Variants in TSPAN33 observed in about 807,000 individuals in gnomAD.
The protein encoded by TSPAN33 is tetraspanin-33.
A neutral mutation model predicts 34.8 loss-of-function variants in TSPAN33; 27 were observed. That is an observed-to-expected ratio of 0.78 (90% CI 0.57 to 1.07). The LOEUF is 1.07. Among genes scored for constraint, TSPAN33 ranks in the 50% least tolerant of loss-of-function variants. The pLI, the probability that TSPAN33 is intolerant of heterozygous loss-of-function variation, is 0.00. For synonymous variants in TSPAN33, 119 were observed against 124.2 expected (o/e 0.96, Z 0.28); for missense variants, 272 against 324.9 (o/e 0.84, Z 1.25).
intron 1 of TSPAN33, among the ~76,000 whole-genome samples, chr7:129,153,785 T>A: frequency 6.6e-6 from 1 of 151,178 alleles, no homozygotes; most frequent in East Asian, 2.0e-4. Flanking sequence ...TACAAAAAAA[T>A]TTAAAAATTA....
intron 4 of TSPAN33, among the ~76,000 whole-genome samples, chr7:129,163,420 C>T (rs1793085112): frequency 1.4e-5 from 2 of 147,140 alleles, no homozygotes; most frequent in South Asian, 4.3e-4. Flanking sequence ...AACTCCTGGG[C>T]TCAAGTGATC....
At chr7:129,161,309 A>C (rs915673593) in intron 1 of TSPAN33, among the ~76,000 whole-genome samples, 1 of 152,298 alleles carries the variant, frequency 6.6e-6, no homozygotes, top group South Asian at 2.1e-4. Context: ...CAAACTCCTG[A>C]CCTCAAGTTG....
Position 129,164,491 on chromosome 7 carries a change from T to C in TSPAN33, c.381T>C (p.Ser127=), listed in dbSNP as rs201663184. The change falls in exon 5 of 8, where the codon AGT becomes AGC. Residue 127 remains serine, a synonymous_variant. Transcript: ENST00000486685. ...TCCGGCAGGCTCGAGGGAAAGTGAG[T>C]GAGATCATCAACAATGCCATTGTGC... ...VFSDKARGKV[S]EIINNAIVHY... is the part of the protein sequence containing the mutation. The C allele has an allele frequency of 6.2e-7, 1 of 1,612,716 alleles. No homozygotes were observed. The highest frequency in any genetic ancestry group is 2.2e-5 in the East Asian group (1 of 44,870).
chr7:129,165,752 A>C lies in TSPAN33; in HGVS notation c.460-1026A>C, dbSNP rs766862222. On this transcript the variant is annotated intron_variant, in intron 5 of 7. Coordinates refer to ENST00000486685, the MANE Select transcript of TSPAN33 (RefSeq NM_178562.5). The surrounding 1 kb of genome is among the most constrained non-coding windows in gnomAD (Gnocchi z 4.5). ...TGATGAAACCCTGTTTCCACCAAAA[A>C]TACAAAAATTAGCCGGGTTTGGTGG... Among the ~76,000 whole-genome samples the C allele has an allele frequency of 6.6e-6, 1 of 152,040 alleles. No homozygotes were observed.
intron 1 of TSPAN33, among the ~76,000 whole-genome samples, chr7:129,150,350 C>T (rs34534607): frequency 0.25 from 38,178 of 152,106 alleles, 5,254 homozygotes; most frequent in East Asian, 0.51. Context: ...CTGTCCCCGC[C>T]GCCAGCTGCA....
At position 129,161,734 on chromosome 7, in the gene TSPAN33, C is replaced by T; in HGVS notation, c.158C>T (p.Ala53Val). 2 of 1,614,132 alleles carry T rather than the reference C, an allele frequency of 1.2e-6. No individual in the cohort carries two copies. The highest frequency in any genetic ancestry group is 1.7e-6 in the Non-Finnish European group (2 of 1,180,000). ...VGVYARLMKHAEAALACLAVD... is the reference protein window; with the variant it reads ...VGVYARLMKHVEAALACLAVD... ...GTCTACGCTCGGCTAATGAAGCATG[C>T]AGGTGAGCTGTAGCTCTCCCTCCCT... is the stretch of plus-strand genomic sequence containing the variant. The change falls in exon 2 of 8, where the codon GCA (alanine) becomes GTA (valine). Residue 53 changes from alanine (A) to valine (V), a missense_variant and splice_region_variant. Transcript: ENST00000486685.
Position 129,168,210 on chromosome 7 carries a change from A to C in TSPAN33, c.*336A>C, listed in dbSNP as rs1220513040. On this transcript the variant is annotated 3_prime_UTR_variant, in exon 8 of 8. Coordinates refer to ENST00000486685, the MANE Select transcript of TSPAN33 (RefSeq NM_178562.5). ...GCCTTTTCACCGAGGCACTGCCACCACCAGCTCTAGCAGGGATGCTCCTGA... is the reference window on the plus strand; with the variant it reads ...GCCTTTTCACCGAGGCACTGCCACCCCCAGCTCTAGCAGGGATGCTCCTGA... The C allele has an allele frequency of 3.7e-6, 1 of 270,986 alleles. No individual in the cohort carries two copies. The highest frequency in any genetic ancestry group is 7.2e-6 in the Non-Finnish European group (1 of 138,804). The allele number at this position is 270,986 out of a possible 1,614,324, so 16.8% of individuals were successfully genotyped here.
At chr7:129,155,982 C>T (rs996044158) in intron 1 of TSPAN33, among the ~76,000 whole-genome samples, 16 of 152,134 alleles carry the variant, frequency 1.1e-4, no homozygotes, top group Non-Finnish European at 1.6e-4. Context: ...CCTCCCCGCT[C>T]GACCTCCCAA....
At chr7:129,163,343 T>TC (rs913497075) in intron 4 of TSPAN33, among the ~76,000 whole-genome samples, 16 of 150,796 alleles carry the variant, frequency 1.1e-4, no homozygotes, top group Non-Finnish European at 1.3e-4. Flanking sequence ...CTTTTTTTTT[T>TC]TTTTTTTGGT....
In TSPAN33 at chr7:129,167,813, T is replaced by G; in HGVS notation, c.791T>G (p.Ile264Ser). 6.2e-7 allele frequency: 1 copy of G among 1,614,098 alleles called. No homozygotes were observed. The highest frequency in any genetic ancestry group is 8.5e-7 in the Non-Finnish European group (1 of 1,180,022). Residue 264 changes from isoleucine (I) to serine (S), a missense_variant, in exon 8 of 8, where the codon ATC (isoleucine) becomes AGC (serine). By Grantham distance (142) the Ile-to-Ser change is moderately radical. Transcript: ENST00000486685. The surrounding 1 kb of genome is among the most constrained non-coding windows in gnomAD (Gnocchi z 4.6). ...ILLSQILVNQ[I>S]KDQIKLQLYN... The stretch of plus-strand genomic sequence containing the variant: ...CTGTCCCAGATCCTAGTGAATCAGA[T>G]CAAAGATCAGATCAAGCTACAGCTC...
At position 129,162,888 on chromosome 7, in the gene TSPAN33, G is replaced by C. The variant is rs1171262477; in HGVS notation, c.344G>C (p.Gly115Ala). 2 of 1,613,830 alleles carry C rather than the reference G, an allele frequency of 1.2e-6. No individual in the cohort carries two copies. The highest frequency in any genetic ancestry group is 1.7e-6 in the Non-Finnish European group (2 of 1,179,894). The change falls in exon 4 of 8, where the codon GGC becomes GCC. Residue 115 changes from glycine to alanine, a missense_variant. Transcript: ENST00000486685. ...CTGCAGCTGGCCGCTGGGATCCTGG[G>C]CTTCGTCTTCTCAGACAAGGTAACA... ...FLLQLAAGILGFVFSDKARGK... is the reference protein window; with the variant it reads ...FLLQLAAGILAFVFSDKARGK...
intron 1 of TSPAN33, among the ~76,000 whole-genome samples, chr7:129,151,321 G>A (rs550923118): frequency 1.3e-5 from 2 of 152,044 alleles, no homozygotes; most frequent in East Asian, 3.9e-4. Context: ...GACTTACTGT[G>A]TTGCCCAGAC....
intron 1 of TSPAN33, among the ~76,000 whole-genome samples, chr7:129,159,094 T>C (rs1172192459): frequency 6.8e-6 from 1 of 147,958 alleles, no homozygotes; most frequent in Non-Finnish European, 1.5e-5. Flanking sequence ...GAAGTCTCAC[T>C]CTGTTGCCCA....
At chr7:129,158,064 G>A (rs754063522) in intron 1 of TSPAN33, among the ~76,000 whole-genome samples, 1 of 152,186 alleles carries the variant, frequency 6.6e-6, no homozygotes, top group South Asian at 2.1e-4. Context: ...AGCTGTTAGA[G>A]GCAGCCCTCA....
intron 1 of TSPAN33, among the ~76,000 whole-genome samples, chr7:129,153,108 T>C (rs1810623463): frequency 6.7e-6 from 1 of 149,494 alleles, no homozygotes; most frequent in South Asian, 2.1e-4. Flanking sequence ...AACATTCTGC[T>C]AAGTGAAAGA....
rs1810552077 is a variant in TSPAN33 at position 129,148,660 on chromosome 7, T to C, written c.102+3578T>C. On this transcript the variant is annotated intron_variant, in intron 1 of 7. Transcript: ENST00000486685. The surrounding 1 kb of genome is among the most constrained non-coding windows in gnomAD (Gnocchi z 4.2). ...GTCTGGCGGCCTGGCAACCCTCCAC[T>C]TAAGCCAGGTCAGAAACATGGCAGC... 6.6e-6 allele frequency among the ~76,000 whole-genome samples: 1 copy of C among 152,142 alleles called. No individual in the cohort carries two copies. Among genetic ancestry groups the C allele is most frequent in the African/African-American group, 2.4e-5 (1 of 41,432 alleles).
chr7:129,165,465 T>G lies in TSPAN33; in HGVS notation c.459+896T>G, dbSNP rs976551921. ...CATGTCTTCAAGTTTCATCTCTGTT[T>G]TGGCATGTGCCACAACTGCCTTCCT... On this transcript the variant is annotated intron_variant, in intron 5 of 7. Transcript: ENST00000486685. This position sits in a 1 kb window ranked among gnomAD's most constrained non-coding sequence, Gnocchi z 4.5. 6.6e-6 allele frequency among the ~76,000 whole-genome samples: 1 copy of G among 152,260 alleles called. No homozygotes were observed. The highest frequency in any genetic ancestry group is 2.4e-5 in the African/African-American group (1 of 41,474).
At chr7:129,161,023 C>T (rs1481436004) in intron 1 of TSPAN33, among the ~76,000 whole-genome samples, 2 of 152,196 alleles carry the variant, frequency 1.3e-5, no homozygotes, top group Non-Finnish European at 2.9e-5. Context: ...CAGAAATTTG[C>T]CCTATGTGTA....
rs1793171933 is a variant in TSPAN33, at chr7:129,168,106, A to C, written c.*232A>C. On this transcript the variant is annotated 3_prime_UTR_variant, in exon 8 of 8. Coordinates refer to ENST00000486685, the MANE Select transcript of TSPAN33 (RefSeq NM_178562.5). Reference sequence around the variant, plus strand: ...GCCCTCAGCATTGTGCCAGAGTGATACCCTTAAGTGTTTGGGTTTATGTTT... The same window carrying C: ...GCCCTCAGCATTGTGCCAGAGTGATCCCCTTAAGTGTTTGGGTTTATGTTT... 1.3e-6 allele frequency: 1 copy of C among 786,424 alleles called. No homozygotes were observed. The highest frequency in any genetic ancestry group is 3.0e-5 in the East Asian group (1 of 32,914). 48.7% of individuals were successfully genotyped at this position (786,424 alleles called of 1,614,324 possible).
Sources: allele counts gnomAD v4.1 joint callset (sites outside exome capture counted in the v4.1 genomes callset), GRCh38; gene constraint gnomAD v4.1.1; non-coding constraint Gnocchi (gnomAD v3.1); transcripts MANE v1.5; gene names NCBI Gene and HGNC (gene_info 2026-07-23, HGNC 2026-07-21).